SLC25A26: variants seen among roughly 807,000 people sequenced by gnomAD.
The protein encoded by SLC25A26 is mitochondrial S-adenosylmethionine carrier protein.
SLC25A26 carries 36 observed loss-of-function variants against 37.8 expected under a neutral mutation model. The observed-to-expected ratio is 0.95, with a 90% CI of 0.73 to 1.26. The LOEUF is 1.26. Ranked by LOEUF, SLC25A26 falls within the 50% of genes most tolerant of loss-of-function variation. The pLI, the probability that SLC25A26 is intolerant of heterozygous loss-of-function variation, is 0.00. For synonymous variants in SLC25A26, 129 were observed against 122.5 expected (o/e 1.05, Z -0.35); for missense variants, 390 against 331.1 (o/e 1.18, Z -1.38).
In SLC25A26 at chr3:66,336,048, G is replaced by A. The variant is rs918475965; in HGVS notation, c.454-10316G>A. Among the ~76,000 whole-genome samples the A allele has an allele frequency of 5.3e-5, 8 of 152,134 alleles. No individual in the cohort carries two copies. In the East Asian group the frequency reaches 5.8e-4, roughly 11 times the overall value. On this transcript the variant is annotated intron_variant, in intron 5 of 9. Transcript: ENST00000354883. ...GATTCTTTTCTAATTGTAATTTTGCGTAAATGCACAGAGGATGTATCTATA... is the reference window on the plus strand; with the variant it reads ...GATTCTTTTCTAATTGTAATTTTGCATAAATGCACAGAGGATGTATCTATA...
intron 3 of SLC25A26, among the ~76,000 whole-genome samples, chr3:66,259,791 G>A (rs751450525): frequency 1.3e-5 from 2 of 152,016 alleles, no homozygotes; most frequent in Non-Finnish European, 2.9e-5. Context: ...CTAAGCACAC[G>A]TCATTCCTCT....
intron 5 of SLC25A26, among the ~76,000 whole-genome samples, chr3:66,332,932 C>G (rs1402877581): frequency 6.6e-6 from 1 of 152,078 alleles, no homozygotes; most frequent in Admixed American, 6.5e-5. Context: ...TTCTGAGTAT[C>G]CATACATACA....
rs1576639399 is a variant in SLC25A26 at position 66,209,055 on chromosome 3, TATATATATATACACAC to T, written c.-353-11685_-353-11670del. On this transcript the variant is annotated intron_variant, in intron 1 of 10. Coordinates refer to the SLC25A26 transcript ENST00000676754. ...ATATAAAGGTGTATATATATATATA[TATATATATATACACAC>T]ACACACCCATATAAAGATGTATATA... Among the ~76,000 whole-genome samples, 207 of 25,196 alleles carry T rather than the reference TATATATATATACACAC, an allele frequency of 8.2e-3. 3 individuals are homozygous for T. The highest frequency in any genetic ancestry group is 0.039 in the African/African-American group (190 of 4,832). The allele number at this position is 25,196 out of a possible 152,430, so 16.5% of individuals were successfully genotyped here.
At chr3:66,312,294 C>G (rs929961176) in intron 5 of SLC25A26, among the ~76,000 whole-genome samples, 3 of 152,124 alleles carry the variant, frequency 2.0e-5, no homozygotes, top group South Asian at 2.1e-4. Context: ...AGGGGAAAAC[C>G]ACCTACTCAA....
At chr3:66,347,737 A>G (rs1224710907) in intron 6 of SLC25A26, among the ~76,000 whole-genome samples, 4 of 152,246 alleles carry the variant, frequency 2.6e-5, no homozygotes, top group South Asian at 2.1e-4. Context: ...ATGCCCATCA[A>G]TGATAGACTG....
intron 6 of SLC25A26, 48 bp downstream of exon 6, chr3:66,346,456 C>A (rs1482540543): frequency 2.0e-6 from 2 of 1,024,244 alleles, no homozygotes; most frequent in Admixed American, 3.2e-5. Flanking sequence ...TTATAACATA[C>A]CTAATAGTTT....
At chr3:66,286,502 C>G (rs935097847) in intron 5 of SLC25A26, among the ~76,000 whole-genome samples, 2 of 151,750 alleles carry the variant, frequency 1.3e-5, no homozygotes, top group Non-Finnish European at 2.9e-5. Flanking sequence ...AATCAGTTGG[C>G]CAGATTTGTA....
chr3:66,185,986 G>A (rs899113683), intron 1 of SLC25A26, among the ~76,000 whole-genome samples: 38 of 151,898 alleles, frequency 2.5e-4, no homozygotes, highest in Non-Finnish European at 3.8e-4. Context: ...TCCTCACACA[G>A]AACATGACCC....
At chr3:66,345,214 C>A (rs1369669988) in intron 5 of SLC25A26, among the ~76,000 whole-genome samples, 1 of 152,158 alleles carries the variant, frequency 6.6e-6, no homozygotes, top group Non-Finnish European at 1.5e-5. Flanking sequence ...TGCTCAGACC[C>A]ACGTCCCCCT....
intron 4 of SLC25A26, among the ~76,000 whole-genome samples, chr3:66,262,914 A>G (rs1453659835): frequency 4.6e-5 from 7 of 152,218 alleles, no homozygotes; most frequent in Non-Finnish European, 1.5e-5. Flanking sequence ...AATTGTTTTT[A>G]TACAAAAGGA....
chr3:66,172,186 G>A (rs183451473), intron 1 of SLC25A26, among the ~76,000 whole-genome samples: 1 of 152,164 alleles, frequency 6.6e-6, no homozygotes, highest in Non-Finnish European at 1.5e-5. Flanking sequence ...GGAGGCAGGA[G>A]GATCACTTGA....
chr3:66,308,340 C>T (rs190181270), intron 5 of SLC25A26, among the ~76,000 whole-genome samples: 50 of 152,188 alleles, frequency 3.3e-4, no homozygotes, highest in African/African-American at 9.2e-4. Context: ...GTGATTTTTG[C>T]GCATTGATTT....
At chr3:66,375,667 C>T (rs946607402) in intron 9 of SLC25A26, among the ~76,000 whole-genome samples, 20 of 152,090 alleles carry the variant, frequency 1.3e-4, no homozygotes, top group African/African-American at 4.6e-4. Flanking sequence ...ATATTTTAAG[C>T]CCACTGCTGG....
intron 1 of SLC25A26, among the ~76,000 whole-genome samples, chr3:66,157,958 T>C (rs1473447383): frequency 6.6e-6 from 1 of 152,218 alleles, no homozygotes; most frequent in African/African-American, 2.4e-5. Context: ...TTGTTTTTGT[T>C]TTTGCAACTC....
At chr3:66,347,079 G>A (rs902316244) in intron 6 of SLC25A26, among the ~76,000 whole-genome samples, 3 of 151,932 alleles carry the variant, frequency 2.0e-5, no homozygotes, top group Admixed American at 6.6e-5. Flanking sequence ...ATTTCATGAC[G>A]AAAACATCAA....
chr3:66,323,639 T>C (rs914240319), intron 5 of SLC25A26, among the ~76,000 whole-genome samples: 1 of 152,018 alleles, frequency 6.6e-6, no homozygotes, highest in Admixed American at 6.6e-5. Flanking sequence ...AGATGCTGTC[T>C]CTACAAAAAG....
intron 1 of SLC25A26, among the ~76,000 whole-genome samples, chr3:66,178,915 C>G (rs2070641490): frequency 6.6e-6 from 1 of 152,130 alleles, no homozygotes; most frequent in Non-Finnish European, 1.5e-5. Flanking sequence ...AATGGCTGCT[C>G]ATATTTGTGG....
intron 5 of SLC25A26, among the ~76,000 whole-genome samples, chr3:66,288,806 T>A (rs1291732424): frequency 6.6e-6 from 1 of 152,212 alleles, no homozygotes; most frequent in Non-Finnish European, 1.5e-5. Flanking sequence ...TGTGTCTTTA[T>A]AGTAGAATGA....
At chr3:66,352,659 C>T (rs1046428830) in intron 6 of SLC25A26, among the ~76,000 whole-genome samples, 3 of 151,682 alleles carry the variant, frequency 2.0e-5, no homozygotes, top group South Asian at 2.1e-4. Context: ...ATGTCATTAC[C>T]GAGTGTCTAT....
Sources: allele counts gnomAD v4.1 joint callset (sites outside exome capture counted in the v4.1 genomes callset), GRCh38; gene constraint gnomAD v4.1.1; transcripts MANE v1.5; gene names NCBI Gene and HGNC (gene_info 2026-07-23, HGNC 2026-07-21).